Variants in TBCK observed in about 807,000 individuals in gnomAD.
TBCK encodes the protein TBC1 domain containing kinase, also known as TBC domain-containing protein kinase-like protein.
A neutral mutation model predicts 113.4 loss-of-function variants in TBCK; 99 were observed. That is an observed-to-expected ratio of 0.87 (90% CI 0.74 to 1.03). The LOEUF (loss-of-function observed/expected upper bound fraction) is 1.03. TBCK is among the 50% of genes least tolerant of loss of function. The pLI is 0.00. For synonymous variants in TBCK, 369 were observed against 370.8 expected, an observed-to-expected ratio of 1.00 and a Z score of 0.05; for missense variants, 1,045 against 1,061.3, an observed-to-expected ratio of 0.98 and a Z score of 0.21.
intron 23 of TBCK, among the ~76,000 whole-genome samples, chr4:106,122,948 T>C (rs994817514): frequency 9.2e-5 from 14 of 152,182 alleles, no homozygotes; most frequent in Admixed American, 5.9e-4. Flanking sequence ...TGGAAGCATT[T>C]CCTTTGAAAA....
chr4:106,288,268 C>T (rs1765320203), intron 3 of TBCK, among the ~76,000 whole-genome samples: 1 of 152,124 alleles, frequency 6.6e-6, no homozygotes, highest in Non-Finnish European at 1.5e-5. Context: ...GCGGTGTATG[C>T]CTGTAGTCCC....
intron 22 of TBCK, among the ~76,000 whole-genome samples, chr4:106,193,344 C>T (rs1344237320): frequency 1.3e-5 from 2 of 152,022 alleles, no homozygotes; most frequent in African/African-American, 2.4e-5. Context: ...ATGATATTGC[C>T]CCCAACTTCC....
At chr4:106,134,057 A>G (rs754720771) in intron 23 of TBCK, among the ~76,000 whole-genome samples, 11 of 152,164 alleles carry the variant, frequency 7.2e-5, no homozygotes, top group Middle Eastern at 6.8e-3. Flanking sequence ...AAGCCAAAGT[A>G]GGCATATTGG....
chr4:106,216,125 G>A (rs1368969543), intron 19 of TBCK, among the ~76,000 whole-genome samples: 9 of 152,062 alleles, frequency 5.9e-5, no homozygotes, highest in Middle Eastern at 3.4e-3. Flanking sequence ...TACTGGGTAC[G>A]TAACGAAATG....
At chr4:106,208,573 G>A (rs554821229) in intron 20 of TBCK, among the ~76,000 whole-genome samples, 8 of 152,086 alleles carry the variant, frequency 5.3e-5, no homozygotes, top group Non-Finnish European at 1.2e-4. Context: ...GTCCAACTCA[G>A]GCTTCCTTCT....
intron 25 of TBCK, among the ~76,000 whole-genome samples, chr4:106,049,036 A>T (rs1734514325): frequency 6.6e-6 from 1 of 152,154 alleles, no homozygotes; most frequent in Admixed American, 6.6e-5. Context: ...TTCACATAAG[A>T]TTATGAGTTA....
At chr4:106,181,827 C>G (rs112771309) in intron 22 of TBCK, among the ~76,000 whole-genome samples, 4,099 of 152,148 alleles carry the variant, frequency 0.027, 178 homozygotes, top group African/African-American at 0.094. Flanking sequence ...GTTCTTCTTG[C>G]CAAGGATTGT....
At chr4:106,137,398 C>T (rs1454107636) in intron 23 of TBCK, among the ~76,000 whole-genome samples, 1 of 139,670 alleles carries the variant, frequency 7.2e-6, no homozygotes, top group Admixed American at 7.1e-5. Context: ...TAAACAGACT[C>T]TAATTTCATA....
intron 19 of TBCK, among the ~76,000 whole-genome samples, chr4:106,229,755 A>AT (rs139747244): frequency 0.14 from 20,435 of 151,032 alleles, 1,628 homozygotes; most frequent in South Asian, 0.24. Flanking sequence ...AAATTTTAGG[A>AT]TTTTTTTTTC....
At chr4:106,190,631 C>T (rs975328245) in intron 22 of TBCK, among the ~76,000 whole-genome samples, 3 of 152,204 alleles carry the variant, frequency 2.0e-5, no homozygotes, top group African/African-American at 7.2e-5. Context: ...TTCTATGCTA[C>T]ATAAAATATA....
chr4:106,212,310 T>C (rs952670867), intron 20 of TBCK, among the ~76,000 whole-genome samples: 2 of 152,156 alleles, frequency 1.3e-5, no homozygotes, highest in Non-Finnish European at 2.9e-5. Context: ...AGCTAACGTT[T>C]GATTTTCAAC....
At chr4:106,097,532 C>G (rs1741067461) in intron 24 of TBCK, among the ~76,000 whole-genome samples, 1 of 151,934 alleles carries the variant, frequency 6.6e-6, no homozygotes, top group Non-Finnish European at 1.5e-5. Context: ...ATGAGATTGG[C>G]CTAGTTATAA....
chr4:106,055,461 CAAAT>C (rs1271944547), intron 25 of TBCK, among the ~76,000 whole-genome samples: 7 of 151,336 alleles, frequency 4.6e-5, no homozygotes, highest in African/African-American at 1.2e-4. Flanking sequence ...AATGTCAAGA[CAAAT>C]AAATATTTTT....
rs779080157 is a variant in TBCK, at chr4:106,212,817, G to A, written c.1793C>T (p.Ser598Phe). The change falls in exon 20 of 26, where the codon TCT becomes TTT. Residue 598 changes from serine to phenylalanine, a missense_variant. By Grantham distance (155) the Ser-to-Phe change is radical (BLOSUM62 -2). Transcript: ENST00000394708. ...TGGATCATGAAATGCAATCATCTGA[G>A]AGAAGACAGTCAGATACTCTGAAAT... Reference protein sequence around the residue: ...HVIQEYLTVFSQMIAFHDPEL... With the variant: ...HVIQEYLTVFFQMIAFHDPEL... The A allele has an allele frequency of 3.7e-6, 6 of 1,611,338 alleles. No individual in the cohort carries two copies. Among genetic ancestry groups the A allele is most frequent in the Non-Finnish European group, 5.1e-6 (6 of 1,178,136 alleles).
intron 24 of TBCK, among the ~76,000 whole-genome samples, chr4:106,099,952 A>G (rs1251627801): frequency 6.6e-6 from 1 of 152,184 alleles, no homozygotes; most frequent in Non-Finnish European, 1.5e-5. Flanking sequence ...TTCAGTCCTC[A>G]TGAATAGAAC....
chr4:106,108,042 G>A (rs4337799), intron 24 of TBCK, among the ~76,000 whole-genome samples: 19,691 of 151,892 alleles, frequency 0.13, 1,605 homozygotes, highest in South Asian at 0.24. Flanking sequence ...TACACCCTCC[G>A]AAGACTGAGC....
intron 12 of TBCK, among the ~76,000 whole-genome samples, chr4:106,241,673 T>C (rs866167724): frequency 6.6e-6 from 1 of 152,068 alleles, no homozygotes; most frequent in Non-Finnish European, 1.5e-5. Context: ...GGGTATTTTT[T>C]TAATCAATGA....
At position 106,046,659 on chromosome 4, in the gene TBCK, T is replaced by C. The variant is rs1046331137; in HGVS notation, c.2593A>G (p.Met865Val). 1.2e-6 allele frequency: 2 copies of C among 1,610,726 alleles called. No homozygotes were observed. The highest frequency in any genetic ancestry group is 2.7e-5 in the African/African-American group (2 of 74,922). ...TAEFAAHLVK[M>V]KYPRICILDG... ...AGAATACAGATTCTTGGATATTTCA[T>C]CTTCACAAGGTGAGCTGCAAACTGG... The change falls in exon 26 of 26, where the codon ATG becomes GTG. Residue 865 changes from methionine to valine, a missense_variant. Transcript: ENST00000394708.
At chr4:106,234,668 A>G (rs1396863447) in intron 15 of TBCK, among the ~76,000 whole-genome samples, 1 of 152,180 alleles carries the variant, frequency 6.6e-6, no homozygotes, top group African/African-American at 2.4e-5. Flanking sequence ...ACAAGATGAC[A>G]AAGAAATTGA....
Sources: gnomAD v4.1 joint callset for allele counts (sites outside exome capture counted in the v4.1 genomes callset) on GRCh38, gnomAD v4.1.1 for gene constraint, MANE v1.5 for transcripts, NCBI Gene and HGNC (gene_info 2026-07-23, HGNC 2026-07-21) for gene names.